Variants in ARR3 observed in about 807,000 individuals in gnomAD.
ARR3 encodes arrestin 3, also known as arrestin-C.
ARR3 carries 14 observed loss-of-function variants against 35.4 expected under a neutral mutation model. The observed-to-expected ratio is 0.40, with a 90% CI of 0.26 to 0.62. The LOEUF (loss-of-function observed/expected upper bound fraction) is 0.62. Ranked by LOEUF, ARR3 falls within the 20% of genes least tolerant of loss-of-function variation. The pLI, the probability that ARR3 is intolerant of heterozygous loss-of-function variation, is 0.46. For synonymous variants in ARR3, 97 were observed against 119.1 expected (o/e 0.81, Z 1.21); for missense variants, 259 against 303.8 (o/e 0.85, Z 1.10).
chrX:70,281,348 T>A, intron 16 of ARR3: 1 of 451,489 alleles, frequency 2.2e-6, no homozygotes, highest in South Asian at 3.4e-5. Context: ...CTCATCCCCT[T>A]CCCATTTTTC....
intron 4 of ARR3, 69 bp downstream of exon 4, chrX:70,269,972 G>A: frequency 8.5e-7 from 1 of 1,181,725 alleles, no homozygotes; most frequent in Non-Finnish European, 1.1e-6. Context: ...AGAAAGTCCA[G>A]GAAAGACCGT....
chrX:70,279,775 A>G (rs373649471), intron 12 of ARR3, among the ~76,000 whole-genome samples: 2 of 112,133 alleles, frequency 1.8e-5, no homozygotes, highest in South Asian at 3.7e-4. Flanking sequence ...CCAACAGAGG[A>G]AAAAAAGGAG....
At chrX:70,279,936 T>C (rs912619864) in intron 12 of ARR3, among the ~76,000 whole-genome samples, 3 of 111,398 alleles carry the variant, frequency 2.7e-5, no homozygotes, top group African/African-American at 9.8e-5. Flanking sequence ...GGCAAGGTTG[T>C]TAGGGGTCTT....
intron 5 of ARR3, among the ~76,000 whole-genome samples, chrX:70,272,958 C>T (rs1416568): frequency 0.018 from 2,060 of 111,433 alleles, 43 homozygotes; most frequent in African/African-American, 0.064. Context: ...ATAAGGTTAT[C>T]CATTCCTGTT....
intron 12 of ARR3, 148 bp downstream of exon 12, chrX:70,278,789 T>A: frequency 2.6e-6 from 2 of 782,089 alleles, no homozygotes; most frequent in Non-Finnish European, 3.5e-6. Context: ...CCTCCAGGCC[T>A]AAAGGCCTGC....
At chrX:70,270,012 A>C in intron 4 of ARR3, 88 bp from the exon 5 acceptor site, 4 of 1,178,206 alleles carry the variant, frequency 3.4e-6, no homozygotes, top group Non-Finnish European at 4.6e-6. Flanking sequence ...AAAGGGAAGA[A>C]TAGGAAGAAC....
chrX:70,277,982 A>G, intron 10 of ARR3, 84 bp from the exon 11 acceptor site: 1 of 969,553 alleles, frequency 1.0e-6, no homozygotes, highest in African/African-American at 1.9e-5. Context: ...GTGCCTATGT[A>G]TAAGGTCACA....
intron 12 of ARR3, among the ~76,000 whole-genome samples, chrX:70,278,898 G>C (rs1409158487): frequency 8.9e-6 from 1 of 112,870 alleles, no homozygotes; most frequent in African/African-American, 3.2e-5. Flanking sequence ...TGTTGTATAA[G>C]ATTTCACAGT....
intron 15 of ARR3, 64 bp downstream of exon 15, chrX:70,280,882 A>G (rs2085678703): frequency 7.7e-6 from 9 of 1,171,120 alleles, no homozygotes; most frequent in Non-Finnish European, 1.0e-5. Flanking sequence ...AACCATTCTG[A>G]TCTCATGAAT....
At chrX:70,273,002 T>C (rs1439686694) in intron 5 of ARR3, among the ~76,000 whole-genome samples, 1 of 111,323 alleles carries the variant, frequency 9.0e-6, no homozygotes, top group Non-Finnish European at 1.9e-5. Flanking sequence ...TCTGTCACCC[T>C]GTACTTGGAC....
At position 70,277,768 on chromosome X, in the gene ARR3, CCAA is replaced by C; in HGVS notation, c.666_668del (p.Asn222del). ...GTCAATGTTTCTATCAACAACTGCA[CCAA>C]CAAGGTCATCAAAAAAATCAAGATT... On this transcript the variant is annotated inframe_deletion, in exon 10 of 17. Coordinates refer to ENST00000307959, the MANE Select transcript of ARR3 (RefSeq NM_004312.3). The C allele has an allele frequency of 8.3e-7, 1 of 1,210,094 alleles. No homozygotes were observed. The highest frequency in any genetic ancestry group is 1.1e-6 in the Non-Finnish European group (1 of 894,403).
At chrX:70,269,525 C>T in intron 2 of ARR3, 132 bp downstream of exon 2, 2 of 973,099 alleles carry the variant, frequency 2.1e-6, no homozygotes, top group South Asian at 2.2e-5. Context: ...ATTATCCCTA[C>T]CTTTGCCCCA....
In ARR3 at chrX:70,277,541, C is replaced by G. The variant is rs112882427; in HGVS notation, c.609+12C>G. On this transcript the variant is annotated intron_variant, in intron 9 of 16. Transcript: ENST00000307959. ...GGATGGACAGGGAGGTTTGTGACCC[C>G]CACTTTTTGCCTCCCACCCCAGAAC... The G allele has an allele frequency of 1.3e-3, 1,533 of 1,203,863 alleles. 15 individuals carry two copies. In the African/African-American group the frequency reaches 0.023, roughly 18 times the overall value.
At chrX:70,271,017 G>C (rs761347583) in intron 5 of ARR3, among the ~76,000 whole-genome samples, 2 of 111,510 alleles carry the variant, frequency 1.8e-5, no homozygotes, top group Non-Finnish European at 3.8e-5. Context: ...TAGTTCAGAT[G>C]TAACTGTTAG....
Position 70,281,694 on chromosome X carries a change from C to T in ARR3, c.1095C>T (p.Ile365=), listed in dbSNP as rs375445930. 2.3e-5 allele frequency: 27 copies of T among 1,183,722 alleles called. No individual in the cohort carries two copies. Among genetic ancestry groups the T allele is most frequent in the Admixed American group, 2.4e-5 (1 of 41,733 alleles). Residue 365 remains isoleucine, a synonymous_variant, in exon 17 of 17, where the codon ATC becomes ATT. Coordinates refer to ENST00000307959, the MANE Select transcript of ARR3 (RefSeq NM_004312.3). Reference sequence around the variant, plus strand: ...CTGCAAGCTCTGAGGACATAGTCATCGAGGAGTTTACGCGGAAAGGCGAGG... The same window carrying T: ...CTGCAAGCTCTGAGGACATAGTCATTGAGGAGTTTACGCGGAAAGGCGAGG... ...HEAASSEDIV[I]EEFTRKGEEE...
chrX:70,269,701 A>G lies in ARR3; in HGVS notation c.39+9A>G. 1 of 1,205,647 alleles carries G rather than the reference A, an allele frequency of 8.3e-7. No individual in the cohort carries two copies. Among genetic ancestry groups the G allele is most frequent in the Non-Finnish European group, 1.1e-6 (1 of 891,930 alleles). On this transcript the variant is annotated intron_variant, in intron 3 of 16. Coordinates refer to ENST00000307959, the MANE Select transcript of ARR3 (RefSeq NM_004312.3). The stretch of plus-strand genomic sequence containing the variant: ...CCAGCTCCAATGGGAAGGTGAGAGA[A>G]CCTGGCCCAGCTGGGCAAATGAGAG...
At chrX:70,281,416 C>A (rs1602726236) in intron 16 of ARR3, among the ~76,000 whole-genome samples, 1 of 110,253 alleles carries the variant, frequency 9.1e-6, no homozygotes, top group South Asian at 4.0e-4. Context: ...TTCTTTGATA[C>A]CTTCCCTCCT....
chrX:70,281,007 G>A (rs186127204), intron 15 of ARR3, 92 bp from the exon 16 acceptor site: 1 of 966,502 alleles, frequency 1.0e-6, no homozygotes, highest in Non-Finnish European at 1.4e-6. Context: ...GAAGTTGGGG[G>A]GGGGGGAAGT....
At chrX:70,274,492 C>T (rs1001517007) in intron 5 of ARR3, among the ~76,000 whole-genome samples, 1 of 112,692 alleles carries the variant, frequency 8.9e-6, no homozygotes, top group East Asian at 2.8e-4. Context: ...TGAGCTACCA[C>T]GCCCAGCCTT....
Sources: gnomAD v4.1 joint callset for allele counts (sites outside exome capture counted in the v4.1 genomes callset) on GRCh38, gnomAD v4.1.1 for gene constraint, MANE v1.5 for transcripts, NCBI Gene and HGNC (gene_info 2026-07-23, HGNC 2026-07-21) for gene names.